The following AEN variants were observed in gnomAD, a reference collection of about 807,000 sequenced individuals.
AEN encodes the protein apoptosis-enhancing nuclease.
A neutral mutation model predicts 17.7 loss-of-function variants in AEN; 21 were observed. That is an observed-to-expected ratio of 1.19 (90% CI 0.84 to 1.71). The LOEUF (loss-of-function observed/expected upper bound fraction) is 1.71, where lower values mean the gene tolerates loss of function less well. Ranked by LOEUF, AEN falls within the 40% of genes most tolerant of loss-of-function variation. The pLI is 0.00. For missense variants in AEN, 462 were observed against 435.9 expected (o/e 1.06, Z -0.53); for synonymous variants, 190 against 173.0 (o/e 1.10, Z -0.77).
At position 88,629,228 on chromosome 15, in the gene AEN, C is replaced by T; in HGVS notation, c.543C>T (p.Ile181=). 1 of 1,614,024 alleles carries T rather than the reference C, an allele frequency of 6.2e-7. No homozygotes were observed. Among genetic ancestry groups the T allele is most frequent in the Non-Finnish European group, 8.5e-7 (1 of 1,179,954 alleles). Residue 181 remains isoleucine, a splice_region_variant and synonymous_variant, in exon 3 of 4, where the codon ATC becomes ATT. Transcript: ENST00000332810. The part of the protein sequence containing the change: ...AVPFQVAQKE[I]LKLLKGKVVV... ...CTGACTCCTCTTTCTGCTCACAGAT[C>T]CTTAAGCTCCTGAAGGGCAAGGTGG...
chr15:88,605,010 G>C, the AEN span: 2 of 152,316 alleles, frequency 1.3e-5, no homozygotes, highest in Non-Finnish European at 2.9e-5. The surrounding 1 kb of genome is among the most constrained non-coding windows in gnomAD (Gnocchi z 7.6). Context: ...GCTCGGGACT[G>C]GAGAAGCAGC....
the AEN span, among the ~76,000 whole-genome samples, chr15:88,614,045 A>C: frequency 6.6e-6 from 1 of 152,134 alleles, no homozygotes; most frequent in Non-Finnish European, 1.5e-5. Context: ...CTTCCAGATC[A>C]GTATCTTGCC....
chr15:88,628,974 G>A (rs2057889816), intron 2 of AEN: 6 of 478,618 alleles, frequency 1.3e-5, no homozygotes, highest in South Asian at 1.1e-4. Flanking sequence ...GCCACCCCAC[G>A]GAATGCTGCT....
At position 88,631,457 on chromosome 15, in the gene AEN, C is replaced by G. The variant is rs1019371096; in HGVS notation, c.*1163C>G. On this transcript the variant is annotated 3_prime_UTR_variant, in exon 4 of 4. Coordinates refer to ENST00000332810, the MANE Select transcript of AEN (RefSeq NM_022767.4). ...CTCAGGTCACACAGACCTTGGAGCC[C>G]CATCTTTGCTTGCAGCTTAGCTTTG... is the stretch of plus-strand genomic sequence containing the variant. 1 of 223,546 alleles carries G rather than the reference C, an allele frequency of 4.5e-6. No individual in the cohort carries two copies. The highest frequency in any genetic ancestry group is 2.2e-5 in the African/African-American group (1 of 44,530). The allele number at this position is 223,546 out of a possible 1,614,324, so 13.8% of individuals were successfully genotyped here. A position where few individuals can be genotyped will look rare whatever the true frequency, so the allele number is the denominator to read the frequency against.
At chr15:88,617,288 C>G (rs921568684), upstream of AEN, among the ~76,000 whole-genome samples, 8 of 151,904 alleles carry the variant, frequency 5.3e-5, no homozygotes, top group African/African-American at 1.9e-4. Flanking sequence ...GAGTCTTGCA[C>G]TGTTGCCCAG....
upstream of AEN, among the ~76,000 whole-genome samples, chr15:88,618,874 A>T (rs1171341144): frequency 4.6e-5 from 7 of 152,104 alleles, no homozygotes; most frequent in East Asian, 1.3e-3. Context: ...TGGCTCAATC[A>T]TAGCTCACTG....
At position 88,621,367 on chromosome 15, in the gene AEN, A is replaced by T. The variant is rs927667948; in HGVS notation, c.-80A>T. 1 of 152,196 alleles carries T rather than the reference A, an allele frequency of 6.6e-6. No individual in the cohort carries two copies. The highest frequency in any genetic ancestry group is 2.4e-5 in the African/African-American group (1 of 41,436). The allele number at this position is 152,196 out of a possible 1,614,324, so 9.4% of individuals were successfully genotyped here. ...GGACGCCACGTGCAGACCGGAAGAG[A>T]CACGCGGGGCTTCAGGTGAGATCCA... On this transcript the variant is annotated 5_prime_UTR_variant, in exon 1 of 4. Transcript: ENST00000332810.
chr15:88,619,439 C>T (rs1001672125), upstream of AEN, among the ~76,000 whole-genome samples: 2 of 152,164 alleles, frequency 1.3e-5, no homozygotes, highest in African/African-American at 4.8e-5. Flanking sequence ...CCTGTAATCC[C>T]AGCACTTTGA....
the AEN span, among the ~76,000 whole-genome samples, chr15:88,607,872 C>T: frequency 6.6e-6 from 1 of 152,012 alleles, no homozygotes. Flanking sequence ...CTTTTCTCTC[C>T]CATGTTACTA....
At chr15:88,629,188 T>C (rs756477407) in intron 2 of AEN, 38 bp from the exon 3 acceptor site, 3 of 1,606,422 alleles carry the variant, frequency 1.9e-6, no homozygotes, top group Non-Finnish European at 2.6e-6. Context: ...CCTGATGGGG[T>C]GTGGGGTGAC....
At chr15:88,618,402 T>C (rs2057756046), upstream of AEN, among the ~76,000 whole-genome samples, 1 of 152,222 alleles carries the variant, frequency 6.6e-6, no homozygotes. Flanking sequence ...TCTGTGACCA[T>C]GAGGTTCTAA....
chr15:88,630,186 T>A lies in AEN; in HGVS notation c.870T>A (p.Pro290=). The A allele has an allele frequency of 6.2e-7, 1 of 1,613,332 alleles. No individual in the cohort carries two copies. Among genetic ancestry groups the A allele is most frequent in the Non-Finnish European group, 8.5e-7 (1 of 1,179,714 alleles). ...SLWTCPEDRE[P]DSSTDMEQYM... ...GGACCTGCCCCGAGGACAGAGAACC[T>A]GACAGCAGCACAGACATGGAACAGT... is the stretch of plus-strand genomic sequence containing the variant. The change falls in exon 4 of 4, where the codon CCT becomes CCA. Residue 290 remains proline, a synonymous_variant. Coordinates refer to ENST00000332810, the MANE Select transcript of AEN (RefSeq NM_022767.4). This position sits in a 1 kb window ranked among gnomAD's most constrained non-coding sequence, Gnocchi z 5.1.
chr15:88,613,552 G>C, the AEN span, among the ~76,000 whole-genome samples: 69 of 151,668 alleles, frequency 4.5e-4, no homozygotes, highest in African/African-American at 1.5e-3. Flanking sequence ...GAGATGGAAC[G>C]GGGAGAGATT....
At chr15:88,611,920 G>A in the AEN span, 1 of 505,180 alleles carries the variant, frequency 2.0e-6, no homozygotes, top group East Asian at 6.3e-5. Context: ...CTACCTAATG[G>A]TGCCAGCCAT....
upstream of AEN, among the ~76,000 whole-genome samples, chr15:88,616,998 T>A (rs1405264939): frequency 6.6e-6 from 1 of 152,222 alleles, no homozygotes; most frequent in African/African-American, 2.4e-5. Context: ...TCACAGAGCA[T>A]CTGTTAATAT....
At chr15:88,610,300 C>T in the AEN span, among the ~76,000 whole-genome samples, 1 of 145,188 alleles carries the variant, frequency 6.9e-6, no homozygotes, top group Admixed American at 6.9e-5. Context: ...CAAAGAGGCA[C>T]GGGGCTATTT....
chr15:88,616,642 A>C (rs1438740798), upstream of AEN, among the ~76,000 whole-genome samples: 1 of 152,198 alleles, frequency 6.6e-6, no homozygotes, highest in Non-Finnish European at 1.5e-5. Context: ...TTTTATGATA[A>C]ATGTAAGTAT....
In AEN at chr15:88,629,329, C is replaced by T; in HGVS notation, c.644C>T (p.Thr215Ile). The T allele has an allele frequency of 6.2e-7, 1 of 1,614,138 alleles. No individual in the cohort carries two copies. The highest frequency in any genetic ancestry group is 8.5e-7 in the Non-Finnish European group (1 of 1,180,028). ...VHPRSQTRDTTYVPNFLSEPG... is the reference protein window; with the variant it reads ...VHPRSQTRDTIYVPNFLSEPG... Reference sequence around the variant, plus strand: ...CCTCGGAGCCAGACCCGGGATACGACCTATGTCCCAAACTTCCTCAGCGAG... The same window carrying T: ...CCTCGGAGCCAGACCCGGGATACGATCTATGTCCCAAACTTCCTCAGCGAG... Residue 215 changes from threonine to isoleucine, a missense_variant, in exon 3 of 4, where the codon ACC becomes ATC. By Grantham distance (89) the Thr-to-Ile change is moderately conservative. Transcript: ENST00000332810.
intron 1 of AEN, chr15:88,621,583 G>A (rs2057788976): frequency 6.6e-6 from 1 of 152,348 alleles, no homozygotes; most frequent in Non-Finnish European, 1.5e-5. Flanking sequence ...GGGGGTCCAG[G>A]GCCAGAGGGG....
Sources: allele counts gnomAD v4.1 joint callset (sites outside exome capture counted in the v4.1 genomes callset), GRCh38; gene constraint gnomAD v4.1.1; non-coding constraint Gnocchi (gnomAD v3.1); transcripts MANE v1.5; gene names NCBI Gene and HGNC (gene_info 2026-07-23, HGNC 2026-07-21).